The following CDH7 variants were observed in gnomAD, a reference collection of about 807,000 sequenced individuals.
CDH7 encodes the protein cadherin-7.
A neutral mutation model predicts 71.8 loss-of-function variants in CDH7; 25 were observed. That is an observed-to-expected ratio of 0.35 (90% confidence interval 0.25 to 0.49). The LOEUF is 0.49. CDH7 is among the 20% of genes least tolerant of loss of function. The probability of loss-of-function intolerance (pLI) is 0.99; values close to 1 mark genes in which losing one functional copy is unlikely to be tolerated. For synonymous variants in CDH7, 381 were observed against 363.8 expected (o/e 1.05, Z -0.54); for missense variants, 862 against 974.6 (o/e 0.88, Z 1.54).
chr18:65,828,896 C>T (rs1388608096), intron 6 of CDH7, among the ~76,000 whole-genome samples: 1 of 152,132 alleles, frequency 6.6e-6, no homozygotes. Context: ...TGTTCATATT[C>T]TAACTCTTTC....
At chr18:65,836,978 G>A (rs755109073) in intron 6 of CDH7, among the ~76,000 whole-genome samples, 2 of 152,146 alleles carry the variant, frequency 1.3e-5, no homozygotes, top group Non-Finnish European at 2.9e-5. Flanking sequence ...AGAATACACA[G>A]AGCTGGCAAG....
chr18:65,838,624 A>G (rs564601890), intron 6 of CDH7, among the ~76,000 whole-genome samples: 5 of 152,336 alleles, frequency 3.3e-5, no homozygotes, highest in Non-Finnish European at 5.9e-5. Flanking sequence ...AAGGTGCGAG[A>G]TATATAAGGA....
rs566417476 is a variant in CDH7 at position 65,833,635 on chromosome 18, T to G, written c.981+8804T>G. Among the ~76,000 whole-genome samples the G allele has an allele frequency of 4.6e-5, 7 of 152,210 alleles. No individual in the cohort carries two copies. In the South Asian group the frequency reaches 1.4e-3, roughly 32 times the overall value. On this transcript the variant is annotated intron_variant, in intron 6 of 11. Coordinates refer to ENST00000397968, the MANE Select transcript of CDH7 (RefSeq NM_004361.5). ...CTATGTATATAAGTATATACTAGCA[T>G]ACTTTAATCATTATGTGTATGTGTT...
At chr18:65,795,950 C>A (rs937108493) in intron 2 of CDH7, among the ~76,000 whole-genome samples, 1 of 150,206 alleles carries the variant, frequency 6.7e-6, no homozygotes, top group African/African-American at 2.5e-5. Context: ...CTCCTGCCCC[C>A]CTGTGAAGAG....
intron 2 of CDH7, among the ~76,000 whole-genome samples, chr18:65,771,816 A>T (rs957546623): frequency 6.6e-6 from 1 of 152,090 alleles, no homozygotes; most frequent in Non-Finnish European, 1.5e-5. Context: ...CAAACGAAAA[A>T]AAAGAGAGAG....
At chr18:65,798,461 G>A (rs575417366) in intron 2 of CDH7, among the ~76,000 whole-genome samples, 1 of 152,356 alleles carries the variant, frequency 6.6e-6, no homozygotes, top group South Asian at 2.1e-4. Context: ...TGATTCATTA[G>A]TTACTGAGTT....
At position 65,862,796 on chromosome 18, in the gene CDH7, C is replaced by T. The variant is rs557624965; in HGVS notation, c.1743C>T (p.Arg581=). 63 of 1,614,114 alleles carry T rather than the reference C, an allele frequency of 3.9e-5. No homozygotes were observed. In the African/African-American group the frequency reaches 4.8e-4, roughly 12 times the overall value. ...SLSSTNTLTI[R]VCDCDADGVA... ...GCAGCACCAACACCCTCACCATCCG[C>T]GTGTGTGACTGTGATGCTGACGGCG... Residue 581 remains arginine (R), a synonymous_variant, in exon 11 of 12, where the codon CGC becomes CGT. Coordinates refer to ENST00000397968, the MANE Select transcript of CDH7 (RefSeq NM_004361.5).
At chr18:65,874,823 C>T (rs1357674976) in intron 11 of CDH7, among the ~76,000 whole-genome samples, 1 of 152,002 alleles carries the variant, frequency 6.6e-6, no homozygotes, top group African/African-American at 2.4e-5. Context: ...ATGACATCGG[C>T]AGAATTCTGC....
At chr18:65,779,249 A>T (rs1910085431) in intron 2 of CDH7, among the ~76,000 whole-genome samples, 1 of 120,316 alleles carries the variant, frequency 8.3e-6, no homozygotes, top group South Asian at 3.0e-4. Context: ...ATAAGAATAG[A>T]AAACATTCTT....
Position 65,885,417 on chromosome 18 carries a change from G to T in CDH7, c.*4523G>T, listed in dbSNP as rs1168471300. 3.6e-5 allele frequency: 4 copies of T among 110,658 alleles called. No homozygotes were observed. The South Asian group carries it at 1.1e-3, about 31-fold the overall frequency. 6.9% of individuals were successfully genotyped at this position (110,658 alleles called of 1,614,324 possible). On this transcript the variant is annotated 3_prime_UTR_variant, in exon 12 of 12. Coordinates refer to ENST00000397968, the MANE Select transcript of CDH7 (RefSeq NM_004361.5). ...TTTTGACGTGGAGTCTCGCTCTGTC[G>T]CCCAGGCTGGAGTGCAGTGGTGCGA...
intron 7 of CDH7, among the ~76,000 whole-genome samples, chr18:65,848,091 C>T (rs1912998861): frequency 6.6e-6 from 1 of 152,078 alleles, no homozygotes; most frequent in East Asian, 1.9e-4. Context: ...CAATATCGGG[C>T]TTTATCTATT....
chr18:65,822,117 A>G lies in CDH7; in HGVS notation c.662A>G (p.Glu221Gly). Reference sequence around the variant, plus strand: ...ACTGCCCTTCCAAACATGGATAGAGAGGCTAAAGACCAGTATTTGCTTGTC... The same window carrying G: ...ACTGCCCTTCCAAACATGGATAGAGGGGCTAAAGACCAGTATTTGCTTGTC... ...IKTALPNMDR[E>G]AKDQYLLVIQ... The change falls in exon 5 of 12, where the codon GAG becomes GGG. Residue 221 changes from glutamate (E) to glycine (G), a missense_variant. Transcript: ENST00000397968. 6.2e-7 allele frequency: 1 copy of G among 1,613,148 alleles called. No individual in the cohort carries two copies. The highest frequency in any genetic ancestry group is 8.5e-7 in the Non-Finnish European group (1 of 1,179,220).
At chr18:65,880,370 G>C in intron 11 of CDH7, 31 bp from the exon 12 acceptor site, 3 of 1,515,690 alleles carry the variant, frequency 2.0e-6, no homozygotes, top group Non-Finnish European at 2.6e-6. Flanking sequence ...TGAGTTTACT[G>C]AAACTTTCTC....
chr18:65,840,147 T>G (rs2628259), intron 6 of CDH7, among the ~76,000 whole-genome samples: 1 of 152,212 alleles, frequency 6.6e-6, no homozygotes, highest in East Asian at 1.9e-4. Flanking sequence ...AGACCCTTGC[T>G]TTACACAGAA....
intron 6 of CDH7, among the ~76,000 whole-genome samples, chr18:65,825,682 T>TA (rs1213590231): frequency 1.3e-5 from 2 of 151,824 alleles, no homozygotes; most frequent in Non-Finnish European, 3.0e-5. Flanking sequence ...TACTTTTCAA[T>TA]AATTAGCACA....
intron 2 of CDH7, among the ~76,000 whole-genome samples, chr18:65,777,388 AC>A (rs1909986120): frequency 6.6e-6 from 1 of 152,044 alleles, no homozygotes; most frequent in Admixed American, 6.6e-5. Flanking sequence ...TGTTAAACGT[AC>A]CAAAAGCTCC....
At chr18:65,755,843 A>G (rs1377121617) in intron 1 of CDH7, among the ~76,000 whole-genome samples, 1 of 152,190 alleles carries the variant, frequency 6.6e-6, no homozygotes, top group Non-Finnish European at 1.5e-5. Flanking sequence ...GGGACACAAG[A>G]GCAAATGAAA....
chr18:65,772,237 C>T (rs1916565111), intron 2 of CDH7, among the ~76,000 whole-genome samples: 1 of 152,080 alleles, frequency 6.6e-6, no homozygotes, highest in African/African-American at 2.4e-5. Context: ...ATTTGTGAGT[C>T]ATTTAAGGGT....
chr18:65,866,619 G>A (rs1030074007), intron 11 of CDH7, among the ~76,000 whole-genome samples: 4 of 152,138 alleles, frequency 2.6e-5, no homozygotes, highest in Non-Finnish European at 5.9e-5. Context: ...ATATGACGGG[G>A]TAAGATTCTA....
Sources: allele counts gnomAD v4.1 joint callset (sites outside exome capture counted in the v4.1 genomes callset), GRCh38; gene constraint gnomAD v4.1.1; transcripts MANE v1.5; gene names NCBI Gene and HGNC (gene_info 2026-07-23, HGNC 2026-07-21).